Variants in ERICH1 observed in about 807,000 individuals in gnomAD.
ERICH1 encodes glutamate rich 1, also known as glutamate-rich protein 1.
A neutral mutation model predicts 39.6 loss-of-function variants in ERICH1; 56 were observed. That is an observed-to-expected ratio of 1.41 (90% CI 1.14 to 1.77). The LOEUF (loss-of-function observed/expected upper bound fraction) is 1.77, where lower values mean the gene tolerates loss of function less well. ERICH1 is among the 40% of genes most tolerant of loss of function. The pLI, the probability that ERICH1 is intolerant of heterozygous loss-of-function variation, is 0.00. For synonymous variants in ERICH1, 313 were observed against 223.6 expected (o/e 1.40, Z -3.57); for missense variants, 826 against 575.4 (o/e 1.44, Z -4.45).
chr8:668,900 G>T, intron 4 of ERICH1, 108 bp from the exon 5 acceptor site: 1 of 967,598 alleles, frequency 1.0e-6, no homozygotes, highest in Non-Finnish European at 1.5e-6. Context: ...CTTCCACACA[G>T]AATGACATAT....
At chr8:670,508 G>C (rs916512533) in intron 4 of ERICH1, among the ~76,000 whole-genome samples, 1 of 152,140 alleles carries the variant, frequency 6.6e-6, no homozygotes, top group Non-Finnish European at 1.5e-5. Context: ...GACCGTGCAG[G>C]GACTGAGCTG....
intron 3 of ERICH1, among the ~76,000 whole-genome samples, chr8:642,500 A>G (rs1200141787): frequency 1.3e-5 from 2 of 151,252 alleles, no homozygotes; most frequent in South Asian, 4.2e-4. Context: ...ACCAGCCACC[A>G]CGCCCGGCTA....
intron 2 of ERICH1, among the ~76,000 whole-genome samples, chr8:699,815 G>A (rs574460001): frequency 0.018 from 950 of 52,768 alleles, 21 homozygotes; most frequent in East Asian, 0.031. Flanking sequence ...GCACAGATCC[G>A]CACAAGCGCA....
intron 2 of ERICH1, among the ~76,000 whole-genome samples, chr8:708,686 T>TTG (rs1487357438): frequency 0.01 from 513 of 48,988 alleles, 21 homozygotes; most frequent in African/African-American, 0.031. Context: ...AATGAGTTTT[T>TTG]TTTTTTTTTT....
At chr8:654,850 G>A (rs1437254697) in intron 3 of ERICH1, among the ~76,000 whole-genome samples, 6 of 152,156 alleles carry the variant, frequency 3.9e-5, no homozygotes, top group African/African-American at 9.7e-5. Flanking sequence ...AGGACCCCCC[G>A]AGTAGCTGCT....
chr8:655,305 A>C (rs1424962920), intron 3 of ERICH1, among the ~76,000 whole-genome samples: 2 of 152,224 alleles, frequency 1.3e-5, no homozygotes, highest in Non-Finnish European at 2.9e-5. Flanking sequence ...CTCATGCCAC[A>C]GGCAGGTTGT....
At chr8:629,217 G>A (rs1797773709) in intron 3 of ERICH1, among the ~76,000 whole-genome samples, 1 of 152,148 alleles carries the variant, frequency 6.6e-6, no homozygotes, top group Admixed American at 6.5e-5. Context: ...CTTTATAGTG[G>A]CAACAAAAAT....
At chr8:671,991 T>C (rs1214755895) in intron 4 of ERICH1, 2 of 156,926 alleles carry the variant, frequency 1.3e-5, no homozygotes, top group African/African-American at 4.8e-5. Context: ...ACCAGGTCCT[T>C]TCCCCAGACC....
chr8:687,426 G>C (rs2132015770), intron 3 of ERICH1, among the ~76,000 whole-genome samples: 1 of 152,372 alleles, frequency 6.6e-6, no homozygotes, highest in East Asian at 1.9e-4. Context: ...GCTCACGTTT[G>C]CACAAGCTTT....
At chr8:680,455 G>A (rs190271456) in intron 3 of ERICH1, among the ~76,000 whole-genome samples, 119 of 150,006 alleles carry the variant, frequency 7.9e-4, no homozygotes, top group Non-Finnish European at 1.4e-3. Flanking sequence ...GAAAGTCCAA[G>A]AGAATACACA....
chr8:709,303 C>A (rs1404344016), intron 2 of ERICH1, among the ~76,000 whole-genome samples: 2 of 152,178 alleles, frequency 1.3e-5, no homozygotes, highest in African/African-American at 4.8e-5. Flanking sequence ...AGAGTCTGAA[C>A]CCTCAGAAAT....
At chr8:664,821 T>C in intron 5 of ERICH1, 145 bp from the exon 6 acceptor site, 1 of 612,574 alleles carries the variant, frequency 1.6e-6, no homozygotes, top group Non-Finnish European at 2.8e-6. Context: ...GAAACTGATG[T>C]TGAAAGTGAC....
chr8:621,013 G>A (rs1038530750), intron 3 of ERICH1, among the ~76,000 whole-genome samples: 2 of 152,162 alleles, frequency 1.3e-5, no homozygotes. Flanking sequence ...ACAATATGGT[G>A]CATACACCAT....
chr8:721,690 C>T (rs997102513), intron 1 of ERICH1, among the ~76,000 whole-genome samples: 1 of 152,252 alleles, frequency 6.6e-6, no homozygotes, highest in Non-Finnish European at 1.5e-5. Flanking sequence ...GGACACGATT[C>T]TGTAAACACA....
downstream of ERICH1, among the ~76,000 whole-genome samples, chr8:662,929 G>A (rs994289145): frequency 4.6e-5 from 7 of 152,170 alleles, no homozygotes; most frequent in East Asian, 3.9e-4. Flanking sequence ...GCCAAAAGAC[G>A]GTGAAGCAGC....
intron 4 of ERICH1, among the ~76,000 whole-genome samples, chr8:671,630 G>A (rs56247421): frequency 1.3e-5 from 2 of 151,068 alleles, no homozygotes; most frequent in African/African-American, 4.9e-5. Context: ...TGAGCGCACT[G>A]GTCCCCAGGC....
At chr8:632,697 C>G (rs1322234212) in intron 3 of ERICH1, among the ~76,000 whole-genome samples, 1 of 152,214 alleles carries the variant, frequency 6.6e-6, no homozygotes, top group Non-Finnish European at 1.5e-5. Context: ...CACGCTCAGT[C>G]CCACCAGTGC....
intron 2 of ERICH1, 122 bp downstream of exon 2, chr8:715,739 G>A (rs1815786753): frequency 7.4e-7 from 1 of 1,347,036 alleles, no homozygotes. Context: ...ACCTGCTGCA[G>A]GCCCTCTGCA....
intron 3 of ERICH1, among the ~76,000 whole-genome samples, chr8:635,680 G>A (rs1215498695): frequency 6.6e-6 from 1 of 152,230 alleles, no homozygotes; most frequent in Non-Finnish European, 1.5e-5. Flanking sequence ...GTCATGACTG[G>A]CTTCCCAAGC....
Sources: allele counts gnomAD v4.1 joint callset (sites outside exome capture counted in the v4.1 genomes callset), GRCh38; gene constraint gnomAD v4.1.1; transcripts MANE v1.5; gene names NCBI Gene and HGNC (gene_info 2026-07-23, HGNC 2026-07-21).